IL18BP: variants seen among roughly 807,000 people sequenced by gnomAD.
IL18BP encodes interleukin 18 binding protein, also known as interleukin-18-binding protein.
In IL18BP, 23 loss-of-function variants were observed where a neutral mutation model predicts 19.9. The observed-to-expected ratio is 1.15, with a 90% confidence interval of 0.83 to 1.64. The LOEUF is 1.64. Among genes scored for constraint, IL18BP ranks in the 40% most tolerant of loss-of-function variants. IL18BP has a pLI of 0.00. For synonymous variants in IL18BP, 107 were observed against 101.0 expected (o/e 1.06, Z -0.35); for missense variants, 239 against 240.7 (o/e 0.99, Z 0.05).
At chr11:72,007,577 C>T, downstream of IL18BP, 1 of 1,062,164 alleles carries the variant, frequency 9.4e-7, no homozygotes, top group South Asian at 1.4e-5. Context: ...TCAGAGGTAC[C>T]AAGGAAAGCA....
downstream of IL18BP, chr11:72,006,071 G>T: frequency 6.2e-7 from 1 of 1,613,622 alleles, no homozygotes; most frequent in South Asian, 1.1e-5. Flanking sequence ...GCCTGGGAAC[G>T]ACGAGCAGAA....
chr11:72,001,350 T>A, intron 4 of IL18BP, 26 bp downstream of exon 4: 1 of 1,614,140 alleles, frequency 6.2e-7, no homozygotes, highest in East Asian at 2.2e-5. Flanking sequence ...GCCAGGTGGG[T>A]GGGAAGGAGG....
Position 72,002,187 on chromosome 11 carries a change from T to C in IL18BP, c.*326T>C. ...GCCTTAGCCTTGCACTCCAGGGCCC[T>C]ACCTGCATTTCCCACATGACTTTCT... On this transcript the variant is annotated 3_prime_UTR_variant, in exon 6 of 6. Transcript: ENST00000393703. 2 of 360,238 alleles carry C rather than the reference T, an allele frequency of 5.6e-6. No individual in the cohort carries two copies. Among genetic ancestry groups the C allele is most frequent in the Non-Finnish European group, 1.0e-5 (2 of 198,162 alleles). 22.3% of individuals were successfully genotyped at this position (360,238 alleles called of 1,614,324 possible).
At chr11:72,008,166 G>T (rs971327420), downstream of IL18BP, 6 of 475,034 alleles carry the variant, frequency 1.3e-5, no homozygotes, top group East Asian at 1.1e-4. Flanking sequence ...ATAAGTAAAT[G>T]TAAGTGTTTA....
At chr11:72,001,738 T>C in intron 5 of IL18BP, 46 bp from the exon 6 acceptor site, 2 of 1,613,712 alleles carry the variant, frequency 1.2e-6, no homozygotes, top group South Asian at 1.1e-5. Flanking sequence ...TGATGAGATG[T>C]CCCTCCTTTC....
At chr11:72,006,054 C>T, downstream of IL18BP, 2 of 1,612,674 alleles carry the variant, frequency 1.2e-6, no homozygotes, top group East Asian at 2.2e-5. Flanking sequence ...CCCCACTGGA[C>T]ACCCCGGCCT....
downstream of IL18BP, chr11:72,006,010 T>C (rs756346755): frequency 4.8e-5 from 74 of 1,555,192 alleles, no homozygotes; most frequent in Non-Finnish European, 6.0e-5. Context: ...TTTTGGGGTA[T>C]AGTAAGTCCC....
Position 72,000,818 on chromosome 11 carries a change from C to T in IL18BP, c.235+261C>T, listed in dbSNP as rs5743669. On this transcript the variant is annotated intron_variant, in intron 3 of 5. Transcript: ENST00000393703. ...TCCCAGAGCCTTGGTTGCAGTGGAC[C>T]CCAAGGCCAGCCCCTCCACCCAGAG... 6.9e-3 allele frequency among the ~76,000 whole-genome samples: 1,046 copies of T among 152,260 alleles called. 2 individuals carry two copies. Among genetic ancestry groups the T allele is most frequent in the African/African-American group, 0.016 (663 of 41,542 alleles).
At chr11:72,005,256 T>C (rs1240527438), downstream of IL18BP, 2 of 1,602,326 alleles carry the variant, frequency 1.2e-6, no homozygotes, top group Non-Finnish European at 1.7e-6. Context: ...GGATAGCAGG[T>C]CTTCAGATGT....
At chr11:72,005,208 C>T, downstream of IL18BP, 1 of 1,570,018 alleles carries the variant, frequency 6.4e-7, no homozygotes, top group Non-Finnish European at 8.6e-7. Flanking sequence ...GATGGGAGGC[C>T]CTGCACAGTG....
At chr11:72,005,519 C>T (rs141119336), downstream of IL18BP, 151 of 678,562 alleles carry the variant, frequency 2.2e-4, 1 homozygote, top group Middle Eastern at 7.4e-3. Flanking sequence ...TGCAGGAGTA[C>T]GGCACACAGA....
At chr11:72,003,912 C>A, downstream of IL18BP, 6 of 1,613,508 alleles carry the variant, frequency 3.7e-6, no homozygotes, top group Non-Finnish European at 5.1e-6. Flanking sequence ...AGGGGTGGCA[C>A]CAATGGCGGC....
downstream of IL18BP, chr11:72,003,577 C>G (rs372473305): frequency 5.0e-6 from 8 of 1,613,520 alleles, no homozygotes; most frequent in African/African-American, 5.3e-5. Context: ...TGAGAACTTG[C>G]GATACTAGCC....
At chr11:72,003,464 G>A, downstream of IL18BP, 3 of 1,521,862 alleles carry the variant, frequency 2.0e-6, no homozygotes, top group East Asian at 2.3e-5. Context: ...GGGACAGTAG[G>A]CGGAGGACCA....
chr11:72,003,660 G>T, downstream of IL18BP: 1 of 1,328,762 alleles, frequency 7.5e-7, no homozygotes, highest in South Asian at 1.2e-5. Context: ...GTGAGCCCCA[G>T]GGTTATCAGT....
downstream of IL18BP, chr11:72,005,922 T>C (rs1042112647): frequency 4.6e-6 from 4 of 865,736 alleles, no homozygotes; most frequent in African/African-American, 1.7e-5. Context: ...TGGAGCTGGA[T>C]GGTAGCAAGG....
intron 2 of IL18BP, 67 bp downstream of exon 2, chr11:72,000,079 G>A (rs899786503): frequency 9.6e-6 from 15 of 1,557,312 alleles, no homozygotes; most frequent in African/African-American, 1.4e-5. Flanking sequence ...TGGAGCAATG[G>A]GCTAACCCGG....
At chr11:72,005,099 A>C, downstream of IL18BP, 1 of 1,072,342 alleles carries the variant, frequency 9.3e-7, no homozygotes, top group Non-Finnish European at 1.3e-6. Context: ...TTCCACCTGG[A>C]AACATGAGAA....
At chr11:72,006,283 TGTTGCAGTGTACA>T (rs1168693429), downstream of IL18BP, 9 of 1,608,034 alleles carry the variant, frequency 5.6e-6, no homozygotes, top group Non-Finnish European at 7.7e-6. Flanking sequence ...AGAGTGAATC[TGTTGCAGTGTACA>T]GTCCCTGGCA....
Sources: allele counts gnomAD v4.1 joint callset (sites outside exome capture counted in the v4.1 genomes callset), GRCh38; gene constraint gnomAD v4.1.1; transcripts MANE v1.5; gene names NCBI Gene and HGNC (gene_info 2026-07-23, HGNC 2026-07-21).